PUS7L: variants seen among roughly 807,000 people sequenced by gnomAD.
The protein encoded by PUS7L is pseudouridine synthase 7 like, also known as pseudouridylate synthase PUS7L.
In PUS7L, 49 loss-of-function variants were observed where a neutral mutation model predicts 51.1. The ratio of observed to expected loss-of-function variants is 0.96; its 90% CI spans 0.76 to 1.22. The LOEUF (loss-of-function observed/expected upper bound fraction) is 1.22, where lower values mean the gene tolerates loss of function less well. Ranked by LOEUF, PUS7L falls within the 50% of genes most tolerant of loss-of-function variation. PUS7L has a pLI of 0.00. For synonymous variants in PUS7L, 277 were observed against 276.2 expected (o/e 1.00, Z -0.03); for missense variants, 828 against 820.6 (o/e 1.01, Z -0.11).
rs74085311 is a variant in PUS7L, at chr12:43,722,225, T to C, written c.*8151A>G. The C allele has an allele frequency of 0.055, 8,381 of 152,110 alleles. 236 individuals are homozygous for C. The highest frequency in any genetic ancestry group is 0.13 in the Middle Eastern group (39 of 296). The allele number at this position is 152,110 out of a possible 1,614,324, so 9.4% of individuals were successfully genotyped here. On this transcript the variant is annotated 3_prime_UTR_variant, in exon 9 of 9. Coordinates refer to ENST00000344862, the MANE Select transcript of PUS7L (RefSeq NM_031292.5). Reference sequence around the variant, plus strand: ...TTGGGGCCATACTTGCAGGTGTAAATGTGTTATGTTGAGGGGTTTGGACTG... The same window carrying C: ...TTGGGGCCATACTTGCAGGTGTAAACGTGTTATGTTGAGGGGTTTGGACTG...
rs1944482956 is a variant in PUS7L at position 43,728,374 on chromosome 12, A to G, written c.*2002T>C. 2 of 152,138 alleles carry G rather than the reference A, an allele frequency of 1.3e-5. No individual in the cohort carries two copies. Among genetic ancestry groups the G allele is most frequent in the Admixed American group, 1.3e-4 (2 of 15,264 alleles). The allele number at this position is 152,138 out of a possible 1,614,324, so 9.4% of individuals were successfully genotyped here. Reference sequence around the variant, plus strand: ...AGGCAAAAAAAGTAAAATCAATGATATATTTTCATGCTTTCGTATTTTCTG... The same window carrying G: ...AGGCAAAAAAAGTAAAATCAATGATGTATTTTCATGCTTTCGTATTTTCTG... On this transcript the variant is annotated 3_prime_UTR_variant, in exon 9 of 9. Transcript: ENST00000344862.
Position 43,754,561 on chromosome 12 carries a change from A to G in PUS7L, c.685T>C (p.Ser229Pro). 2 of 1,609,116 alleles carry G rather than the reference A, an allele frequency of 1.2e-6. No homozygotes were observed. Among genetic ancestry groups the G allele is most frequent in the Non-Finnish European group, 8.5e-7 (1 of 1,178,376 alleles). The change falls in exon 2 of 9, where the codon TCC (serine) becomes CCC (proline). Residue 229 changes from serine to proline, a missense_variant. Coordinates refer to ENST00000344862, the MANE Select transcript of PUS7L (RefSeq NM_031292.5). ...GTATCAGGTTTAAAGGTAAATTTGG[A>G]ATTTTCTTTCTTTGCATCCAAATAT... ...FKYLDAKKEN[S>P]KFTFKPDTNK... is the part of the protein sequence containing the mutation.
Position 43,729,199 on chromosome 12 carries a change from C to A in PUS7L, c.*1177G>T. ...GGACTTTGAAAACTGTTTTTAGTGT[C>A]TGTATATGAAAATATTGCAATAAGC... On this transcript the variant is annotated 3_prime_UTR_variant, in exon 9 of 9. Coordinates refer to ENST00000344862, the MANE Select transcript of PUS7L (RefSeq NM_031292.5). 1 of 397,846 alleles carries A rather than the reference C, an allele frequency of 2.5e-6. No individual in the cohort carries two copies. Among genetic ancestry groups the A allele is most frequent in the South Asian group, 1.3e-4 (1 of 7,844 alleles). 24.6% of individuals were successfully genotyped at this position (397,846 alleles called of 1,614,324 possible). A position where few individuals can be genotyped will look rare whatever the true frequency, so the allele number is the denominator to read the frequency against.
intron 7 of PUS7L, among the ~76,000 whole-genome samples, chr12:43,735,271 C>T (rs112027156): frequency 0.015 from 2,335 of 151,516 alleles, 70 homozygotes; most frequent in African/African-American, 0.052. Context: ...GAGCCGAGAT[C>T]GCGCCACTGC....
Position 43,754,222 on chromosome 12 carries a change from A to T in PUS7L, c.910+114T>A, listed in dbSNP as rs1459131256. 2.5e-5 allele frequency: 17 copies of T among 682,218 alleles called. 1 individual carries two copies. Among genetic ancestry groups the T allele is most frequent in the Non-Finnish European group, 4.1e-5 (17 of 414,868 alleles). 42.3% of individuals were successfully genotyped at this position (682,218 alleles called of 1,614,324 possible). Reference sequence around the variant, plus strand: ...GCTTATCAGCAATTCCTCTCCCTAAAGGTAAATCATATATTCTTTCCAATC... The same window carrying T: ...GCTTATCAGCAATTCCTCTCCCTAATGGTAAATCATATATTCTTTCCAATC... On this transcript the variant is annotated intron_variant, in intron 2 of 8. Transcript: ENST00000344862.
chr12:43,735,714 T>A lies in PUS7L; in HGVS notation c.1725+667A>T, dbSNP rs1046473057. On this transcript the variant is annotated intron_variant, in intron 7 of 8. Transcript: ENST00000344862. Reference sequence around the variant, plus strand: ...CACATAACAAACAACAGAGGTTGAGTCTCTGGAGGAAGCACAGGGAATCAC... The same window carrying A: ...CACATAACAAACAACAGAGGTTGAGACTCTGGAGGAAGCACAGGGAATCAC... 4.6e-5 allele frequency among the ~76,000 whole-genome samples: 7 copies of A among 152,062 alleles called. 1 individual carries two copies. Among genetic ancestry groups the A allele is most frequent in the Non-Finnish European group, 1.0e-4 (7 of 68,012 alleles).
chr12:43,728,157 T>C lies in PUS7L; in HGVS notation c.*2219A>G, dbSNP rs2137651175. ...ACTAGTCATCAGTTGGTCCAAAGCA[T>C]ACTATTAATAATAAAAGTCCTTAAA... On this transcript the variant is annotated 3_prime_UTR_variant, in exon 9 of 9. Coordinates refer to ENST00000344862, the MANE Select transcript of PUS7L (RefSeq NM_031292.5). 1 of 152,164 alleles carries C rather than the reference T, an allele frequency of 6.6e-6. No individual in the cohort carries two copies. Among genetic ancestry groups the C allele is most frequent in the East Asian group, 1.9e-4 (1 of 5,176 alleles). 9.4% of individuals were successfully genotyped at this position (152,164 alleles called of 1,614,324 possible). A position where few individuals can be genotyped will look rare whatever the true frequency, so the allele number is the denominator to read the frequency against.
intron 4 of PUS7L, 72 bp downstream of exon 4, chr12:43,745,974 C>A: frequency 1.5e-6 from 1 of 650,710 alleles, no homozygotes. Flanking sequence ...AGAAGTTTCC[C>A]CTCTTGCCTC....
Position 43,747,250 on chromosome 12 carries a change from G to A in PUS7L, c.1071-1012C>T, listed in dbSNP as rs144440381. On this transcript the variant is annotated intron_variant, in intron 3 of 8. Coordinates refer to ENST00000344862, the MANE Select transcript of PUS7L (RefSeq NM_031292.5). ...ATTATTTACAGTGAAAAGCTGGAAA[G>A]AATTTCCATTTTCAAAAACAGGGAA... 1.4e-3 allele frequency among the ~76,000 whole-genome samples: 213 copies of A among 152,184 alleles called. 1 individual carries two copies. The East Asian group carries it at 0.022, about 15-fold the overall frequency.
chr12:43,757,179 C>CT lies in PUS7L; in HGVS notation c.-17+1550dup, dbSNP rs11482179. Among the ~76,000 whole-genome samples, 1,293 of 146,984 alleles carry CT rather than the reference C, an allele frequency of 8.8e-3. 16 individuals are homozygous for CT. The highest frequency in any genetic ancestry group is 0.062 in the East Asian group (320 of 5,136). ...TCTACAGGAACCTGCAAGTGATTCT[C>CT]TTTTTTTTTGAGACGAAGTCTCACT... is the stretch of plus-strand genomic sequence containing the variant. On this transcript the variant is annotated intron_variant, in intron 1 of 8. Coordinates refer to ENST00000344862, the MANE Select transcript of PUS7L (RefSeq NM_031292.5).
rs773704420 is a variant in PUS7L at position 43,720,972 on chromosome 12, A to C, written c.*9404T>G. 9 of 152,194 alleles carry C rather than the reference A, an allele frequency of 5.9e-5. No homozygotes were observed. The highest frequency in any genetic ancestry group is 1.0e-4 in the Non-Finnish European group (7 of 68,030). 9.4% of individuals were successfully genotyped at this position (152,194 alleles called of 1,614,324 possible). ...AATAACAGTACTTATCCCACATGTA[A>C]GTACTTGTTGATAAAATATAAAATG... On this transcript the variant is annotated 3_prime_UTR_variant, in exon 9 of 9. Coordinates refer to ENST00000344862, the MANE Select transcript of PUS7L (RefSeq NM_031292.5).
At chr12:43,738,669 T>A (rs905542943) in intron 5 of PUS7L, among the ~76,000 whole-genome samples, 10 of 152,264 alleles carry the variant, frequency 6.6e-5, no homozygotes, top group Admixed American at 2.0e-4. Context: ...TCATTTTTTT[T>A]AAATATTAAA....
rs145879877 is a variant in PUS7L, at chr12:43,750,348, A to G, written c.911-1739T>C. Among the ~76,000 whole-genome samples, 158 of 152,320 alleles carry G rather than the reference A, an allele frequency of 1.0e-3. No homozygotes were observed. The Middle Eastern group carries it at 0.031, about 30-fold the overall frequency. Reference sequence around the variant, plus strand: ...ATCTACATAAAAGTTTATGCACTTGAATGTTTAAGAGAATGAAACTTGTAG... The same window carrying G: ...ATCTACATAAAAGTTTATGCACTTGGATGTTTAAGAGAATGAAACTTGTAG... On this transcript the variant is annotated intron_variant, in intron 2 of 8. Transcript: ENST00000344862.
intron 4 of PUS7L, among the ~76,000 whole-genome samples, chr12:43,743,012 ACGTT>A (rs1334064499): frequency 2.0e-5 from 3 of 152,132 alleles, no homozygotes; most frequent in African/African-American, 7.2e-5. Context: ...TTTCTACATA[ACGTT>A]CGTTCTTTAG....
chr12:43,738,177 G>A (rs908522711), intron 6 of PUS7L, 133 bp downstream of exon 6: 4 of 608,838 alleles, frequency 6.6e-6, no homozygotes, highest in Non-Finnish European at 1.2e-5. Flanking sequence ...TAATAAAAGT[G>A]TTCAGTATGT....
In PUS7L at chr12:43,719,667, G is replaced by A. The variant is rs1024815430; in HGVS notation, c.*10709C>T. The A allele has an allele frequency of 6.6e-6, 1 of 152,062 alleles. No individual in the cohort carries two copies. Among genetic ancestry groups the A allele is most frequent in the Non-Finnish European group, 1.5e-5 (1 of 68,004 alleles). 9.4% of individuals were successfully genotyped at this position (152,062 alleles called of 1,614,324 possible). On this transcript the variant is annotated 3_prime_UTR_variant, in exon 9 of 9. Transcript: ENST00000344862. ...TAATGATTACAGGATTATCATTATA[G>A]TATTCACATAACATAATACTGTCAA... is the stretch of plus-strand genomic sequence containing the variant.
At chr12:43,744,861 C>T (rs1318731448) in intron 4 of PUS7L, among the ~76,000 whole-genome samples, 1 of 152,144 alleles carries the variant, frequency 6.6e-6, no homozygotes, top group Non-Finnish European at 1.5e-5. Context: ...AATGCCTAAC[C>T]TGCATCCCCA....
intron 2 of PUS7L, among the ~76,000 whole-genome samples, chr12:43,752,471 C>CTGA (rs1938501505): frequency 6.6e-6 from 1 of 152,208 alleles, no homozygotes; most frequent in Admixed American, 6.5e-5. Context: ...GTGTGCTTTA[C>CTGA]TGACCATTAT....
At position 43,729,503 on chromosome 12, in the gene PUS7L, T is replaced by C. The variant is rs1011544076; in HGVS notation, c.*873A>G. 3.1e-4 allele frequency: 93 copies of C among 304,056 alleles called. 1 individual carries two copies. In the East Asian group the frequency reaches 4.4e-3, roughly 15 times the overall value. 18.8% of individuals were successfully genotyped at this position (304,056 alleles called of 1,614,324 possible). On this transcript the variant is annotated 3_prime_UTR_variant, in exon 9 of 9. Coordinates refer to ENST00000344862, the MANE Select transcript of PUS7L (RefSeq NM_031292.5). ...GTGAAGGATGATTTATAATGTGGGA[T>C]AGTTAAACCAACAAAAATTAAAATT...
Sources: allele counts gnomAD v4.1 joint callset (sites outside exome capture counted in the v4.1 genomes callset), GRCh38; gene constraint gnomAD v4.1.1; transcripts MANE v1.5; gene names NCBI Gene and HGNC (gene_info 2026-07-23, HGNC 2026-07-21).